Variants in ERP44 observed in about 807,000 individuals in gnomAD.
ERP44 encodes the protein endoplasmic reticulum protein 44.
Under a neutral mutation model 53.4 loss-of-function variants are expected in ERP44, and 25 were observed. That is an observed-to-expected ratio of 0.47 (90% CI 0.34 to 0.65). ERP44 has a LOEUF of 0.65. Among genes scored for constraint, ERP44 ranks in the 30% least tolerant of loss-of-function variants. The pLI, the probability that ERP44 is intolerant of heterozygous loss-of-function variation, is 0.01. For synonymous variants in ERP44, 145 were observed against 161.2 expected (o/e 0.90, Z 0.76); for missense variants, 338 against 493.2 (o/e 0.69, Z 2.98).
intron 1 of ERP44, among the ~76,000 whole-genome samples, chr9:100,090,730 C>T (rs1416091187): frequency 1.3e-5 from 2 of 148,980 alleles, no homozygotes; most frequent in Non-Finnish European, 3.0e-5. Context: ...GCCTGGGCAA[C>T]GGAGTGAGAC....
At chr9:100,097,543 C>T (rs1826653439) in intron 1 of ERP44, among the ~76,000 whole-genome samples, 1 of 152,102 alleles carries the variant, frequency 6.6e-6, no homozygotes, top group Non-Finnish European at 1.5e-5. Flanking sequence ...AGAATATTTT[C>T]CTCGATACAG....
At chr9:100,077,587 G>A (rs1826371784) in intron 1 of ERP44, among the ~76,000 whole-genome samples, 4 of 152,272 alleles carry the variant, frequency 2.6e-5, no homozygotes, top group South Asian at 2.1e-4. Flanking sequence ...TTTGCTTTGT[G>A]TTCCCACAAC....
rs141057256 is a variant in ERP44, at chr9:100,078,494, C to T, written c.58-18322G>A. Among the ~76,000 whole-genome samples, 1,147 of 142,810 alleles carry T rather than the reference C, an allele frequency of 8.0e-3. 9 individuals are homozygous for T. The highest frequency in any genetic ancestry group is 0.01 in the Non-Finnish European group (675 of 66,812). 93.7% of individuals were successfully genotyped at this position (142,810 alleles called of 152,430 possible). On this transcript the variant is annotated intron_variant, in intron 1 of 11. Transcript: ENST00000262455. Reference sequence around the variant, plus strand: ...AAAAGTCCGGGTGCAGCGGCTCATGCCTGTAATCCCAGCACTTTGGGAGGC... The same window carrying T: ...AAAAGTCCGGGTGCAGCGGCTCATGTCTGTAATCCCAGCACTTTGGGAGGC...
At chr9:100,064,983 T>C (rs1826193530) in intron 1 of ERP44, among the ~76,000 whole-genome samples, 1 of 152,198 alleles carries the variant, frequency 6.6e-6, no homozygotes, top group Non-Finnish European at 1.5e-5. Context: ...CTAGTTAATT[T>C]AGTATTAAAG....
At chr9:100,034,573 AC>A (rs1202903937) in intron 4 of ERP44, among the ~76,000 whole-genome samples, 3 of 152,330 alleles carry the variant, frequency 2.0e-5, no homozygotes, top group African/African-American at 7.2e-5. Flanking sequence ...ATTAAAAAAA[AC>A]AAAAAAACAA....
rs899815345 is a variant in ERP44 at position 100,037,014 on chromosome 9, A to G, written c.287-14788T>C. ...CTATCTACACAAAACAAGCACCTTC[A>G]TAAGAACCAAAAATCAGGTGAACAC... is the stretch of plus-strand genomic sequence containing the variant. On this transcript the variant is annotated intron_variant, in intron 4 of 11. Coordinates refer to ENST00000262455, the MANE Select transcript of ERP44 (RefSeq NM_015051.3). Among the ~76,000 whole-genome samples the G allele has an allele frequency of 2.0e-5, 3 of 152,228 alleles. No homozygotes were observed. The South Asian group carries it at 6.2e-4, about 31-fold the overall frequency.
chr9:100,014,797 C>T (rs908022519), intron 8 of ERP44, among the ~76,000 whole-genome samples: 10 of 152,170 alleles, frequency 6.6e-5, no homozygotes, highest in Non-Finnish European at 1.5e-4. Flanking sequence ...TACTATCTGA[C>T]CCTTTGTTGA....
Position 100,091,795 on chromosome 9 carries a change from G to C in ERP44, c.57+6989C>G, listed in dbSNP as rs76143399. The stretch of plus-strand genomic sequence containing the variant: ...GTGCATATGAATCATCTGGGTATAA[G>C]TTCTTAAAGTGCAGGTTCTGATTCA... On this transcript the variant is annotated intron_variant, in intron 1 of 11. Coordinates refer to ENST00000262455, the MANE Select transcript of ERP44 (RefSeq NM_015051.3). Among the ~76,000 whole-genome samples, 412 of 152,268 alleles carry C rather than the reference G, an allele frequency of 2.7e-3. 2 individuals carry two copies. The highest frequency in any genetic ancestry group is 9.3e-3 in the African/African-American group (388 of 41,556).
intron 10 of ERP44, among the ~76,000 whole-genome samples, chr9:99,994,210 A>C (rs1030998570): frequency 6.6e-6 from 1 of 152,190 alleles, no homozygotes; most frequent in African/African-American, 2.4e-5. Flanking sequence ...CACATATGTT[A>C]ATCGCGGCAC....
At chr9:100,015,414 T>C (rs187846594) in intron 8 of ERP44, among the ~76,000 whole-genome samples, 2 of 152,316 alleles carry the variant, frequency 1.3e-5, no homozygotes, top group Admixed American at 1.3e-4. Context: ...GAGAGGTCCT[T>C]ACAGACATAA....
At chr9:99,984,871 G>A in intron 11 of ERP44, 96 bp downstream of exon 11, 1 of 655,040 alleles carries the variant, frequency 1.5e-6, no homozygotes, top group East Asian at 2.7e-5. Context: ...TTCAGAAGCT[G>A]AAGCTCAAGC....
intron 4 of ERP44, among the ~76,000 whole-genome samples, chr9:100,045,178 C>T (rs542332656): frequency 6.6e-6 from 1 of 152,260 alleles, no homozygotes; most frequent in South Asian, 2.1e-4. Flanking sequence ...AGAAACTTCA[C>T]ATCTACTGCT....
intron 10 of ERP44, among the ~76,000 whole-genome samples, chr9:99,995,642 T>A (rs1830302268): frequency 6.6e-6 from 1 of 152,240 alleles, no homozygotes; most frequent in South Asian, 2.1e-4. Flanking sequence ...GCTTGGCTTC[T>A]TATTCCACTT....
chr9:100,051,384 T>C (rs901248582), intron 4 of ERP44, among the ~76,000 whole-genome samples: 2 of 152,210 alleles, frequency 1.3e-5, no homozygotes, highest in African/African-American at 4.8e-5. Flanking sequence ...GTTAGGTGTG[T>C]GTACACACAT....
intron 4 of ERP44, among the ~76,000 whole-genome samples, chr9:100,041,951 T>C (rs919151670): frequency 1.3e-4 from 20 of 152,210 alleles, no homozygotes; most frequent in African/African-American, 4.6e-4. Flanking sequence ...ACTATGAAAC[T>C]ACTACAAGAA....
chr9:100,042,886 T>C (rs1016114631), intron 4 of ERP44, among the ~76,000 whole-genome samples: 4 of 151,990 alleles, frequency 2.6e-5, no homozygotes, highest in East Asian at 1.9e-4. Context: ...AGATAGAGCA[T>C]AGAAGGATGG....
At chr9:100,084,216 A>T (rs562540061) in intron 1 of ERP44, among the ~76,000 whole-genome samples, 1 of 152,338 alleles carries the variant, frequency 6.6e-6, no homozygotes, top group South Asian at 2.1e-4. Context: ...CCAGTATGTC[A>T]GACAACACGC....
chr9:100,054,687 T>C (rs1330966794), intron 3 of ERP44, among the ~76,000 whole-genome samples: 1 of 152,152 alleles, frequency 6.6e-6, no homozygotes, highest in East Asian at 1.9e-4. Flanking sequence ...AAGGCAAACA[T>C]TACCAAATCT....
rs552148243 is a variant in ERP44, at chr9:100,081,081, A to G, written c.57+17703T>C. On this transcript the variant is annotated intron_variant, in intron 1 of 11. Transcript: ENST00000262455. ...ATACATCTATATCAGTAATTATAAAAGAATTTATATCAGTAATTATAAAAG... is the reference window on the plus strand; with the variant it reads ...ATACATCTATATCAGTAATTATAAAGGAATTTATATCAGTAATTATAAAAG... 1.4e-3 allele frequency among the ~76,000 whole-genome samples: 207 copies of G among 152,256 alleles called. No individual in the cohort carries two copies. In the Middle Eastern group the frequency reaches 0.017, roughly 13 times the overall value.
Sources: allele counts gnomAD v4.1 joint callset (sites outside exome capture counted in the v4.1 genomes callset), GRCh38; gene constraint gnomAD v4.1.1; transcripts MANE v1.5; gene names NCBI Gene and HGNC (gene_info 2026-07-23, HGNC 2026-07-21).